ZNF354A: variants seen among roughly 807,000 people sequenced by gnomAD.
ZNF354A encodes the protein epididymis luminal protein 104.
A neutral mutation model predicts 53.3 loss-of-function variants in ZNF354A; 25 were observed. The ratio of observed to expected loss-of-function variants is 0.47; its 90% CI spans 0.34 to 0.66. The LOEUF is 0.66. ZNF354A is among the 30% of genes least tolerant of loss of function. The pLI is 0.01. For synonymous variants in ZNF354A, 228 were observed against 249.0 expected, an observed-to-expected ratio of 0.92 and a Z score of 0.79; for missense variants, 586 against 716.8, an observed-to-expected ratio of 0.82 and a Z score of 2.08.
intron 2 of ZNF354A, among the ~76,000 whole-genome samples, 167 bp downstream of exon 2, chr5:178,728,823 G>T (rs1440193044): frequency 1.4e-5 from 2 of 142,492 alleles, no homozygotes; most frequent in Non-Finnish European, 3.0e-5. Flanking sequence ...ACACGGGTGG[G>T]GAGGGTGGGT....
At chr5:178,723,700 G>T (rs1406866577) in intron 4 of ZNF354A, among the ~76,000 whole-genome samples, 2 of 151,756 alleles carry the variant, frequency 1.3e-5, no homozygotes, top group Non-Finnish European at 2.9e-5. Context: ...CCACTAGATC[G>T]TGCACTCCAG....
chr5:178,723,927 G>A (rs540464652), intron 4 of ZNF354A, among the ~76,000 whole-genome samples: 1 of 151,834 alleles, frequency 6.6e-6, no homozygotes, highest in African/African-American at 2.4e-5. Context: ...CCTGAAATTC[G>A]GGCCTCCACT....
In ZNF354A at chr5:178,726,993, C is replaced by T. The variant is rs776922637; in HGVS notation, c.160+6G>A. 5 of 1,600,176 alleles carry T rather than the reference C, an allele frequency of 3.1e-6. No individual in the cohort carries two copies. The highest frequency in any genetic ancestry group is 1.3e-5 in the African/African-American group (1 of 74,170). Reference sequence around the variant, plus strand: ...AATTCTGTTTCTAGAGGGAAAATTTCCTTACCCAGTGAGACCAGGTTCCTA... The same window carrying T: ...AATTCTGTTTCTAGAGGGAAAATTTTCTTACCCAGTGAGACCAGGTTCCTA... On this transcript the variant is annotated splice_donor_region_variant and intron_variant, in intron 3 of 4. Coordinates refer to ENST00000335815, the MANE Select transcript of ZNF354A (RefSeq NM_005649.3).
At chr5:178,726,883 A>G (rs567270183) in intron 3 of ZNF354A, 116 bp downstream of exon 3, 4 of 1,430,578 alleles carry the variant, frequency 2.8e-6, no homozygotes, top group Admixed American at 4.6e-5. Flanking sequence ...TCTGATTTGT[A>G]CAATCCTCAC....
chr5:178,715,963 C>T (rs1010225355), intron 4 of ZNF354A, among the ~76,000 whole-genome samples: 2 of 151,446 alleles, frequency 1.3e-5, no homozygotes, highest in Admixed American at 6.6e-5. Context: ...GTGGCGCGAC[C>T]TCGGCTCACT....
At chr5:178,713,714 C>A in intron 4 of ZNF354A, 93 bp from the exon 5 acceptor site, 1 of 1,404,798 alleles carries the variant, frequency 7.1e-7, no homozygotes, top group Non-Finnish European at 9.4e-7. Flanking sequence ...ATATTGGTGA[C>A]ATTTAAATAA....
intron 4 of ZNF354A, among the ~76,000 whole-genome samples, chr5:178,723,178 C>T: frequency 6.6e-6 from 1 of 152,370 alleles, no homozygotes; most frequent in South Asian, 2.1e-4. Context: ...AAAAAAATCT[C>T]ACCTTTCTTC....
At position 178,714,075 on chromosome 5, in the gene ZNF354A, C is replaced by T. The variant is rs139181095; in HGVS notation, c.257-454G>A. ...AGGCTCGAGTGCAGTGGCGCGATCT[C>T]GGCTCACTGCAACCGGTCTCCTGGC... On this transcript the variant is annotated intron_variant, in intron 4 of 4. Coordinates refer to ENST00000335815, the MANE Select transcript of ZNF354A (RefSeq NM_005649.3). Among the ~76,000 whole-genome samples, 936 of 151,718 alleles carry T rather than the reference C, an allele frequency of 6.2e-3. 12 individuals are homozygous for T. The highest frequency in any genetic ancestry group is 0.022 in the African/African-American group (900 of 41,374).
At chr5:178,724,139 C>G (rs1266467302) in intron 4 of ZNF354A, among the ~76,000 whole-genome samples, 1 of 152,094 alleles carries the variant, frequency 6.6e-6, no homozygotes. Flanking sequence ...CGCCTCCTCC[C>G]TCACGAACTC....
intron 1 of ZNF354A, among the ~76,000 whole-genome samples, chr5:178,729,835 C>A (rs1218512369): frequency 6.6e-6 from 1 of 151,442 alleles, no homozygotes; most frequent in Admixed American, 6.6e-5. Flanking sequence ...GCGTGAGCCA[C>A]CACGCCCGAC....
intron 2 of ZNF354A, among the ~76,000 whole-genome samples, chr5:178,728,782 C>CAA (rs1157233878): frequency 0.038 from 1,950 of 50,854 alleles, 200 homozygotes; most frequent in African/African-American, 0.17. Flanking sequence ...AAGCGAGATT[C>CAA]AAAAAAAAAA....
chr5:178,725,615 G>C (rs746860574), intron 3 of ZNF354A, 144 bp from the exon 4 acceptor site: 17 of 746,446 alleles, frequency 2.3e-5, no homozygotes, highest in Non-Finnish European at 3.5e-5. Context: ...GGAGGTAAGG[G>C]GGTAAGGCGG....
intron 1 of ZNF354A, among the ~76,000 whole-genome samples, chr5:178,729,850 T>C (rs1226484626): frequency 7.2e-6 from 1 of 138,390 alleles, no homozygotes; most frequent in Non-Finnish European, 1.6e-5. Context: ...CCCGACCCCA[T>C]GTATCCCATT....
At chr5:178,719,763 C>T (rs1446213422) in intron 4 of ZNF354A, among the ~76,000 whole-genome samples, 7 of 151,932 alleles carry the variant, frequency 4.6e-5, no homozygotes, top group East Asian at 1.9e-4. Flanking sequence ...CCGGCTAAAA[C>T]GGTGAAACCC....
At chr5:178,721,420 A>C (rs1034147811) in intron 4 of ZNF354A, among the ~76,000 whole-genome samples, 3 of 152,230 alleles carry the variant, frequency 2.0e-5, no homozygotes, top group Non-Finnish European at 4.4e-5. Flanking sequence ...ATTATCATCT[A>C]TGGGAGCATC....
At position 178,729,924 on chromosome 5, in the gene ZNF354A, C is replaced by A. The variant is rs1050605515; in HGVS notation, c.-52+632G>T. Among the ~76,000 whole-genome samples, 5 of 147,478 alleles carry A rather than the reference C, an allele frequency of 3.4e-5. No individual in the cohort carries two copies. In the Admixed American group the frequency reaches 3.5e-4, roughly 10 times the overall value. On this transcript the variant is annotated intron_variant, in intron 1 of 4. Transcript: ENST00000335815. ...CTGTCGCTCAGGCTGGAGTGCAGGG[C>A]TTGATCTCGGCTCACTGCAAGCTCC...
intron 3 of ZNF354A, 86 bp from the exon 4 acceptor site, chr5:178,725,557 A>G: frequency 1.4e-6 from 2 of 1,385,478 alleles, no homozygotes; most frequent in Non-Finnish European, 2.0e-6. Flanking sequence ...TACAGAACTC[A>G]CAGGATGGTA....
Position 178,712,120 on chromosome 5 carries a change from A to G in ZNF354A, c.1758T>C (p.Leu586=), listed in dbSNP as rs2113865152. 1 of 1,613,274 alleles carries G rather than the reference A, an allele frequency of 6.2e-7. No homozygotes were observed. Among genetic ancestry groups the G allele is most frequent in the East Asian group, 2.2e-5 (1 of 44,852 alleles). ...KPYECNTCGK[L]FNHRSSLTNH... ...TAGTAAGGGATGACCTATGGTTGAAAAGTTTCCCACATGTATTACATTCAT... is the reference window on the plus strand; with the variant it reads ...TAGTAAGGGATGACCTATGGTTGAAGAGTTTCCCACATGTATTACATTCAT... The change falls in exon 5 of 5, where the codon CTT becomes CTC. Residue 586 remains leucine, a synonymous_variant. Transcript: ENST00000335815.
At position 178,713,229 on chromosome 5, in the gene ZNF354A, T is replaced by G; in HGVS notation, c.649A>C (p.Ser217Arg). The G allele has an allele frequency of 3.7e-6, 6 of 1,614,182 alleles. No homozygotes were observed. The highest frequency in any genetic ancestry group is 5.1e-6 in the Non-Finnish European group (6 of 1,180,024). Residue 217 changes from serine (S) to arginine (R), a missense_variant, in exon 5 of 5, where the codon AGT becomes CGT. Transcript: ENST00000335815. ...KITADKRYKC[S>R]LCEKTFINTS... ...TTAATGAAGGTTTTTTCACACAGAC[T>G]ACATTTATAGCGTTTATCTGCTGTA... is the stretch of plus-strand genomic sequence containing the variant.
Sources: allele counts gnomAD v4.1 joint callset (sites outside exome capture counted in the v4.1 genomes callset), GRCh38; gene constraint gnomAD v4.1.1; transcripts MANE v1.5; gene names NCBI Gene and HGNC (gene_info 2026-07-23, HGNC 2026-07-21).